The following ITPRID1 variants were observed in gnomAD, a reference collection of about 807,000 sequenced individuals.
The protein encoded by ITPRID1 is protein ITPRID1.
A neutral mutation model predicts 95.4 loss-of-function variants in ITPRID1; 96 were observed. The observed-to-expected ratio is 1.01, with a 90% CI of 0.85 to 1.19. ITPRID1 has a LOEUF of 1.19. ITPRID1 is among the 50% of genes most tolerant of loss of function. The pLI is 0.00. For synonymous variants in ITPRID1, 510 were observed against 453.6 expected (o/e 1.12, Z -1.58); for missense variants, 1,339 against 1,252.9 (o/e 1.07, Z -1.04).
At chr7:31,539,671 A>G (rs1783869659) in intron 1 of ITPRID1, among the ~76,000 whole-genome samples, 2 of 152,250 alleles carry the variant, frequency 1.3e-5, no homozygotes, top group South Asian at 4.1e-4. Context: ...TTTTTTTTGG[A>G]GATAAACCTG....
chr7:31,618,192 G>A (rs1477396193), intron 10 of ITPRID1, among the ~76,000 whole-genome samples: 1 of 152,142 alleles, frequency 6.6e-6, no homozygotes, highest in Non-Finnish European at 1.5e-5. Context: ...CCAAACTTAA[G>A]ATCAGCCTTT....
chr7:31,535,728 A>C (rs1182582917), intron 1 of ITPRID1, among the ~76,000 whole-genome samples: 1 of 152,046 alleles, frequency 6.6e-6, no homozygotes, highest in Non-Finnish European at 1.5e-5. Flanking sequence ...AGAATATTTT[A>C]ACTGGCTATA....
intron 10 of ITPRID1, 92 bp downstream of exon 10, chr7:31,583,283 A>G: frequency 1.2e-6 from 1 of 860,992 alleles, no homozygotes. Context: ...CAGAGCTTAA[A>G]TTATCTCTAG....
At chr7:31,612,152 T>C (rs1786897276) in intron 10 of ITPRID1, among the ~76,000 whole-genome samples, 1 of 152,090 alleles carries the variant, frequency 6.6e-6, no homozygotes, top group South Asian at 2.1e-4. Flanking sequence ...CTGAATGTTT[T>C]ATTTAAATTA....
chr7:31,599,690 C>CTCTCTCTCTCTTTCTT (rs1180791810), intron 10 of ITPRID1, among the ~76,000 whole-genome samples: 7 of 106,712 alleles, frequency 6.6e-5, no homozygotes, highest in African/African-American at 2.2e-4. Flanking sequence ...CTCTCTCTCT[C>CTCTCTCTCTCTTTCTT]TCTTTCTTTC....
chr7:31,598,703 T>C lies in ITPRID1; in HGVS notation c.1228+15512T>C, dbSNP rs1045231644. 4.6e-5 allele frequency among the ~76,000 whole-genome samples: 7 copies of C among 152,224 alleles called. No homozygotes were observed. In the East Asian group the frequency reaches 9.7e-4, roughly 21 times the overall value. ...CAGGCGTGAGCCACCGCGCTCGGTC[T>C]AAAATAGCAAATTTCTAAAAGTCAA... On this transcript the variant is annotated intron_variant, in intron 10 of 14. Coordinates refer to ENST00000615280, the MANE Select transcript of ITPRID1 (RefSeq NM_001257967.3).
At chr7:31,556,561 G>A (rs1205067432) in intron 5 of ITPRID1, among the ~76,000 whole-genome samples, 1 of 152,084 alleles carries the variant, frequency 6.6e-6, no homozygotes. Flanking sequence ...TGATGAGAGA[G>A]CTGCACTGAG....
chr7:31,643,009 C>T lies in ITPRID1; in HGVS notation c.1639C>T (p.Pro547Ser), dbSNP rs775974419. 11 of 1,613,872 alleles carry T rather than the reference C, an allele frequency of 6.8e-6. No individual in the cohort carries two copies. Among genetic ancestry groups the T allele is most frequent in the African/African-American group, 4.0e-5 (3 of 74,922 alleles). ...CCATCTGTGGCAGCTTCTGCCAATG[C>T]CCCATGCTGAGTATGAGGTCACCAG... ...DSHLWQLLPM[P>S]HAEYEVTRPT... Residue 547 changes from proline (P) to serine (S), a missense_variant, in exon 12 of 15, where the codon CCC becomes TCC. Coordinates refer to ENST00000615280, the MANE Select transcript of ITPRID1 (RefSeq NM_001257967.3).
At chr7:31,525,566 C>G (rs958863953) in intron 1 of ITPRID1, among the ~76,000 whole-genome samples, 4 of 152,136 alleles carry the variant, frequency 2.6e-5, no homozygotes, top group African/African-American at 9.7e-5. Context: ...AACTCCTACA[C>G]AGTAGAGGCA....
At chr7:31,530,717 G>A (rs1445331619) in intron 1 of ITPRID1, among the ~76,000 whole-genome samples, 2 of 152,008 alleles carry the variant, frequency 1.3e-5, no homozygotes, top group Non-Finnish European at 2.9e-5. Flanking sequence ...TTATTATACA[G>A]TATTGGGAAG....
intron 1 of ITPRID1, among the ~76,000 whole-genome samples, chr7:31,516,976 G>A (rs1025987032): frequency 1.3e-5 from 2 of 152,180 alleles, no homozygotes; most frequent in African/African-American, 4.8e-5. Flanking sequence ...GTCTCACTTC[G>A]TGGTCTGGCT....
chr7:31,630,208 G>C (rs1259192225), intron 10 of ITPRID1, among the ~76,000 whole-genome samples: 4 of 29,852 alleles, frequency 1.3e-4, no homozygotes, highest in African/African-American at 5.1e-4. Context: ...ATTACCAGAG[G>C]AAAAGAGGCA....
chr7:31,555,259 T>C lies in ITPRID1; in HGVS notation c.256+358T>C, dbSNP rs146264348. On this transcript the variant is annotated intron_variant, in intron 5 of 14. Transcript: ENST00000615280. ...ACTTTTATTTCTGAATCTAGATTTT[T>C]TCTATTCTTTGGTCTCAAAATTGCA... 2.0e-3 allele frequency: 332 copies of C among 165,582 alleles called. 3 individuals are homozygous for C. The highest frequency in any genetic ancestry group is 7.6e-3 in the African/African-American group (320 of 42,032). The allele number at this position is 165,582 out of a possible 1,614,324, so 10.3% of individuals were successfully genotyped here. A position where few individuals can be genotyped will look rare whatever the true frequency, so the allele number is the denominator to read the frequency against.
intron 8 of ITPRID1, among the ~76,000 whole-genome samples, chr7:31,575,884 TA>T (rs1021144775): frequency 4.5e-5 from 1 of 22,310 alleles, no homozygotes; most frequent in Admixed American, 7.0e-4. Flanking sequence ...TCAGGAATGA[TA>T]TTTTTTTTTT....
intron 1 of ITPRID1, among the ~76,000 whole-genome samples, chr7:31,533,235 A>C (rs903269098): frequency 6.6e-6 from 1 of 152,062 alleles, no homozygotes; most frequent in Non-Finnish European, 1.5e-5. Context: ...TCTTAGTTTT[A>C]GTCAGTTGAG....
At chr7:31,575,712 T>C (rs931971967) in intron 8 of ITPRID1, among the ~76,000 whole-genome samples, 3 of 152,192 alleles carry the variant, frequency 2.0e-5, no homozygotes, top group African/African-American at 4.8e-5. Flanking sequence ...AAAATTCTGA[T>C]TCTCAAATAA....
chr7:31,619,447 C>A (rs958167736), intron 10 of ITPRID1, among the ~76,000 whole-genome samples: 1 of 152,096 alleles, frequency 6.6e-6, no homozygotes, highest in Non-Finnish European at 1.5e-5. Flanking sequence ...ATTGTTTCAA[C>A]TGTATGTGTA....
chr7:31,519,620 C>CTCTCTCTATATATATATA, intron 1 of ITPRID1, among the ~76,000 whole-genome samples: 22 of 25,260 alleles, frequency 8.7e-4, no homozygotes, highest in South Asian at 4.1e-3. Flanking sequence ...CTCTCTCTCT[C>CTCTCTCTATATATATATA]TATATATATA....
Position 31,553,207 on chromosome 7 carries a change from C to T in ITPRID1, c.163+20C>T. On this transcript the variant is annotated intron_variant, in intron 3 of 14. Coordinates refer to ENST00000615280, the MANE Select transcript of ITPRID1 (RefSeq NM_001257967.3). ...TGCTGGGTGAGAAGGACTCTCAGGC[C>T]TATTTGAAAACATTCCTCTGTGAGT... 1 of 1,550,054 alleles carries T rather than the reference C, an allele frequency of 6.5e-7. No homozygotes were observed. The highest frequency in any genetic ancestry group is 8.7e-7 in the Non-Finnish European group (1 of 1,146,934).
Sources: allele counts gnomAD v4.1 joint callset (sites outside exome capture counted in the v4.1 genomes callset), GRCh38; gene constraint gnomAD v4.1.1; transcripts MANE v1.5; gene names NCBI Gene and HGNC (gene_info 2026-07-23, HGNC 2026-07-21).